FNBP1: variants seen among roughly 807,000 people sequenced by gnomAD.
FNBP1 encodes formin binding protein 1.
In FNBP1, 26 loss-of-function variants were observed where a neutral mutation model predicts 90.6. That is an observed-to-expected ratio of 0.29 (90% CI 0.21 to 0.40). The LOEUF is 0.40. FNBP1 is among the 10% of genes least tolerant of loss of function. The pLI is 1.00. For synonymous variants in FNBP1, 260 were observed against 265.2 expected, an observed-to-expected ratio of 0.98 and a Z score of 0.19; for missense variants, 635 against 768.0, an observed-to-expected ratio of 0.83 and a Z score of 2.05.
intron 10 of FNBP1, chr9:129,919,371 T>C (rs2040757102): frequency 1.1e-5 from 4 of 378,420 alleles, no homozygotes; most frequent in Non-Finnish European, 2.0e-5. Flanking sequence ...TTCCATACAA[T>C]GAACTCTAAA....
chr9:129,891,629 C>A (rs1208737789), intron 16 of FNBP1, among the ~76,000 whole-genome samples: 1 of 152,030 alleles, frequency 6.6e-6, no homozygotes, highest in Non-Finnish European at 1.5e-5. Flanking sequence ...CGCAATAAAC[C>A]GTGAAAAGCT....
chr9:130,008,354 A>G (rs1317479239), intron 1 of FNBP1, among the ~76,000 whole-genome samples: 1 of 152,108 alleles, frequency 6.6e-6, no homozygotes, highest in African/African-American at 2.4e-5. Context: ...GTCTCAAAAA[A>G]CAAACCGAAA....
chr9:129,924,830 A>G, intron 9 of FNBP1, 130 bp downstream of exon 9: 1 of 773,300 alleles, frequency 1.3e-6, no homozygotes, highest in South Asian at 1.9e-5. Flanking sequence ...GTCTCAACAT[A>G]AGGTAGCACA....
rs1393520068 is a variant in FNBP1 at position 129,889,707 on chromosome 9, G to A, written c.*832C>T. The stretch of plus-strand genomic sequence containing the variant: ...GGGAGGGCCTCGCTCACAAGCGCAT[G>A]ATCTACAGTTCTCAGGGACAGGAAA... On this transcript the variant is annotated 3_prime_UTR_variant, in exon 17 of 17. Coordinates refer to ENST00000446176, the MANE Select transcript of FNBP1 (RefSeq NM_015033.3). 4.3e-6 allele frequency: 1 copy of A among 231,880 alleles called. No individual in the cohort carries two copies. 14.4% of individuals were successfully genotyped at this position (231,880 alleles called of 1,614,324 possible).
chr9:129,917,866 C>T (rs1292713028), intron 10 of FNBP1, among the ~76,000 whole-genome samples: 1 of 152,158 alleles, frequency 6.6e-6, no homozygotes, highest in African/African-American at 2.4e-5. Context: ...CATAGATCTA[C>T]TTATCACAAC....
chr9:129,967,403 C>T (rs2048783710), intron 4 of FNBP1, among the ~76,000 whole-genome samples: 2 of 152,246 alleles, frequency 1.3e-5, no homozygotes, highest in Middle Eastern at 3.4e-3. Flanking sequence ...GTAATCCCAG[C>T]TACTTGGGAG....
intron 1 of FNBP1, 100 bp from the exon 2 acceptor site, chr9:129,995,058 G>A (rs1589142787): frequency 1.5e-6 from 1 of 674,552 alleles, no homozygotes; most frequent in South Asian, 1.8e-5. Flanking sequence ...ATACAAAGTA[G>A]TACTAATATT....
At chr9:130,017,755 G>A (rs565923823) in intron 1 of FNBP1, among the ~76,000 whole-genome samples, 11 of 151,518 alleles carry the variant, frequency 7.3e-5, no homozygotes, top group South Asian at 4.2e-4. Context: ...ACTTGAACCC[G>A]GAAGGCAGAG....
chr9:129,972,984 C>T (rs1472086196), intron 4 of FNBP1, among the ~76,000 whole-genome samples: 2 of 152,224 alleles, frequency 1.3e-5, no homozygotes, highest in Non-Finnish European at 2.9e-5. Flanking sequence ...ATTGTCCCCA[C>T]AACTTCCTAA....
At chr9:129,956,212 C>T (rs979663797) in intron 6 of FNBP1, among the ~76,000 whole-genome samples, 1 of 152,220 alleles carries the variant, frequency 6.6e-6, no homozygotes, top group South Asian at 2.1e-4. Flanking sequence ...GAAAGGCATA[C>T]TAATATTAAC....
At chr9:130,019,785 T>A (rs2057630078) in intron 1 of FNBP1, among the ~76,000 whole-genome samples, 1 of 152,086 alleles carries the variant, frequency 6.6e-6, no homozygotes, top group Non-Finnish European at 1.5e-5. Context: ...TGAAACGGAG[T>A]CTCGCTTCAT....
At chr9:130,020,268 C>A (rs1564593024) in intron 1 of FNBP1, among the ~76,000 whole-genome samples, 1 of 152,088 alleles carries the variant, frequency 6.6e-6, no homozygotes, top group Non-Finnish European at 1.5e-5. Context: ...AGTGCTGTAG[C>A]GCGACCTTGG....
At position 129,966,732 on chromosome 9, in the gene FNBP1, A is replaced by AAACAACAACAACAAC. The variant is rs550427768; in HGVS notation, c.346-8194_346-8180dup. On this transcript the variant is annotated intron_variant, in intron 4 of 16. Transcript: ENST00000446176. The surrounding 1 kb of genome is among the most constrained non-coding windows in gnomAD (Gnocchi z 4.3). The stretch of plus-strand genomic sequence containing the variant: ...TGGGTGATGGAGCGAGACTCCGTCT[A>AAACAACAACAACAAC]AACAACAACAACAACAACAACAACA... Among the ~76,000 whole-genome samples, 209 of 151,246 alleles carry AAACAACAACAACAAC rather than the reference A, an allele frequency of 1.4e-3. No individual in the cohort carries two copies. The highest frequency in any genetic ancestry group is 4.5e-3 in the African/African-American group (187 of 41,188).
At position 130,038,558 on chromosome 9, in the gene FNBP1, G is replaced by A. The variant is rs184920419; in HGVS notation, c.24+4394C>T. Among the ~76,000 whole-genome samples, 146 of 151,746 alleles carry A rather than the reference G, an allele frequency of 9.6e-4. 2 individuals carry two copies. The South Asian group carries it at 0.017, about 18-fold the overall frequency. On this transcript the variant is annotated intron_variant, in intron 1 of 16. Coordinates refer to ENST00000446176, the MANE Select transcript of FNBP1 (RefSeq NM_015033.3). ...ATTACCTGCGTGGACCACCACGCCCGGCTAATTTTTGTATTTTTAGTAGAG... is the reference window on the plus strand; with the variant it reads ...ATTACCTGCGTGGACCACCACGCCCAGCTAATTTTTGTATTTTTAGTAGAG...
rs2132469931 is a variant in FNBP1 at position 130,042,457 on chromosome 9, C to A, written c.24+495G>T. On this transcript the variant is annotated intron_variant, in intron 1 of 16. Transcript: ENST00000446176. The surrounding 1 kb of genome is among the most constrained non-coding windows in gnomAD (Gnocchi z 5.5). ...CCCCAGCACCCCAAAACCCGACCCC[C>A]GGCGCTCGCCCCGGCCGCCCCGCTC... 6.6e-6 allele frequency among the ~76,000 whole-genome samples: 1 copy of A among 152,204 alleles called. No homozygotes were observed. Among genetic ancestry groups the A allele is most frequent in the South Asian group, 2.1e-4 (1 of 4,834 alleles).
At position 129,900,883 on chromosome 9, in the gene FNBP1, C is replaced by G. The variant is rs995706973; in HGVS notation, c.1429-336G>C. 1.3e-5 allele frequency among the ~76,000 whole-genome samples: 2 copies of G among 152,250 alleles called. No homozygotes were observed. The highest frequency in any genetic ancestry group is 4.8e-5 in the African/African-American group (2 of 41,458). On this transcript the variant is annotated intron_variant, in intron 13 of 16. Transcript: ENST00000446176. The surrounding 1 kb of genome is among the most constrained non-coding windows in gnomAD (Gnocchi z 4.1). ...GCTATCCCCTTGGGCTTTTAAGCAG[C>G]AGTGCAGTCTTGGATAAGTCACTTC...
intron 6 of FNBP1, among the ~76,000 whole-genome samples, chr9:129,939,821 T>C (rs1466510066): frequency 2.0e-5 from 3 of 151,938 alleles, no homozygotes; most frequent in Admixed American, 6.6e-5. Flanking sequence ...ATAATATAAA[T>C]GCACAAGGAA....
intron 1 of FNBP1, chr9:130,014,088 G>A (rs1412925593): frequency 8.8e-6 from 4 of 456,268 alleles, no homozygotes; most frequent in South Asian, 1.6e-5. Context: ...GTATTTTACT[G>A]GTATATTCAT....
At chr9:130,034,104 G>A (rs2059076619) in intron 1 of FNBP1, among the ~76,000 whole-genome samples, 2 of 151,386 alleles carry the variant, frequency 1.3e-5, no homozygotes, top group South Asian at 4.2e-4. Flanking sequence ...GGTAGATCAC[G>A]AGGTCAGGAG....
Sources: allele counts gnomAD v4.1 joint callset (sites outside exome capture counted in the v4.1 genomes callset), GRCh38; gene constraint gnomAD v4.1.1; non-coding constraint Gnocchi (gnomAD v3.1); transcripts MANE v1.5; gene names NCBI Gene and HGNC (gene_info 2026-07-23, HGNC 2026-07-21).